Variants in RFX2 observed in about 807,000 individuals in gnomAD.
RFX2 encodes DNA-binding protein RFX2.
In RFX2, 20 loss-of-function variants were observed where a neutral mutation model predicts 87.8. The ratio of observed to expected loss-of-function variants is 0.23; its 90% CI spans 0.16 to 0.33. The LOEUF is 0.33. Among genes scored for constraint, RFX2 ranks in the 10% least tolerant of loss-of-function variants. RFX2 has a pLI of 1.00. For missense variants in RFX2, 767 were observed against 1,012.3 expected, an observed-to-expected ratio of 0.76 and a Z score of 3.29; for synonymous variants, 397 against 431.3, an observed-to-expected ratio of 0.92 and a Z score of 0.98.
At chr19:6,008,386 T>C (rs971198867) in intron 9 of RFX2, 162 bp from the exon 10 acceptor site, 4 of 478,570 alleles carry the variant, frequency 8.4e-6, no homozygotes. Flanking sequence ...TTTTTTTTTT[T>C]TTTGGAGACA....
Position 6,107,616 on chromosome 19 carries a change from C to CAAAAAAAAAAAA in RFX2, c.-9+2765_-9+2776dup, listed in dbSNP as rs1156483792. Among the ~76,000 whole-genome samples, 174 of 31,558 alleles carry CAAAAAAAAAAAA rather than the reference C, an allele frequency of 5.5e-3. 26 individuals carry two copies. Among genetic ancestry groups the CAAAAAAAAAAAA allele is most frequent in the African/African-American group, 0.012 (99 of 8,076 alleles). The allele number at this position is 31,558 out of a possible 152,430, so 20.7% of individuals were successfully genotyped here. The stretch of plus-strand genomic sequence containing the variant: ...TGGGTGACAGAGTGAGACCCTGTCT[C>CAAAAAAAAAAAA]AAAAAAAAAAAAAAAAAAAAAAAAA... On this transcript the variant is annotated intron_variant, in intron 1 of 17. Coordinates refer to ENST00000303657, the MANE Select transcript of RFX2 (RefSeq NM_000635.4).
chr19:6,042,509 G>T (rs947293809), intron 3 of RFX2, among the ~76,000 whole-genome samples: 219 of 149,384 alleles, frequency 1.5e-3, no homozygotes, highest in East Asian at 3.3e-3. Flanking sequence ...TTTTTTTTTT[G>T]TTTGTTTGTT....
chr19:6,006,943 T>C (rs1355851856), intron 12 of RFX2, 69 bp downstream of exon 12: 3 of 1,551,600 alleles, frequency 1.9e-6, no homozygotes, highest in Admixed American at 1.8e-5. Context: ...AAGACGTACA[T>C]GTAAGAAAGG....
At chr19:6,058,726 C>A (rs749860244) in intron 1 of RFX2, among the ~76,000 whole-genome samples, 1 of 152,016 alleles carries the variant, frequency 6.6e-6, no homozygotes, top group African/African-American at 2.4e-5. Context: ...GGCTTCTGTT[C>A]CTGTTTTCTT....
At position 6,100,532 on chromosome 19, in the gene RFX2, G is replaced by A. The variant is rs187969741; in HGVS notation, c.-9+9861C>T. 1.1e-4 allele frequency among the ~76,000 whole-genome samples: 17 copies of A among 152,302 alleles called. No homozygotes were observed. The East Asian group carries it at 3.3e-3, about 29-fold the overall frequency. On this transcript the variant is annotated intron_variant, in intron 1 of 17. Transcript: ENST00000303657. ...GAGAATTATTGCCTCTGTAACAGGAGAGGAGGGCTACTTCCAGTAAGAAGG... is the reference window on the plus strand; with the variant it reads ...GAGAATTATTGCCTCTGTAACAGGAAAGGAGGGCTACTTCCAGTAAGAAGG...
rs1271395453 is a variant in RFX2 at position 6,061,483 on chromosome 19, T to TCAAG, written c.-8-13983_-8-13980dup. ...CCTTCACACTTACAAGTCTGGCTGATCAAGACCTTGTCACCTGAAGACTGT... is the reference window on the plus strand; with the variant it reads ...CCTTCACACTTACAAGTCTGGCTGATCAAGCAAGACCTTGTCACCTGAAGACTGT... On this transcript the variant is annotated intron_variant, in intron 1 of 17. Transcript: ENST00000303657. The surrounding 1 kb of genome is among the most constrained non-coding windows in gnomAD (Gnocchi z 5.2). Among the ~76,000 whole-genome samples the TCAAG allele has an allele frequency of 2.4e-4, 36 of 152,178 alleles. No homozygotes were observed. Among genetic ancestry groups the TCAAG allele is most frequent in the Non-Finnish European group, 5.9e-5 (4 of 68,036 alleles).
chr19:6,028,557 G>T (rs2086917927), intron 5 of RFX2, among the ~76,000 whole-genome samples: 2 of 152,132 alleles, frequency 1.3e-5, no homozygotes, highest in Non-Finnish European at 2.9e-5. Flanking sequence ...TTAATCTTGA[G>T]CTGACATCCA....
chr19:6,028,557 G>A (rs2086917927), intron 5 of RFX2, among the ~76,000 whole-genome samples: 1 of 152,132 alleles, frequency 6.6e-6, no homozygotes, highest in Non-Finnish European at 1.5e-5. Context: ...TTAATCTTGA[G>A]CTGACATCCA....
At chr19:6,108,333 A>G (rs1193769894) in intron 1 of RFX2, among the ~76,000 whole-genome samples, 2 of 152,232 alleles carry the variant, frequency 1.3e-5, no homozygotes, top group East Asian at 3.8e-4. Flanking sequence ...TCTTTAAACT[A>G]GAGCAGGAGA....
At chr19:6,042,752 C>T (rs1239863960) in intron 3 of RFX2, among the ~76,000 whole-genome samples, 1 of 152,228 alleles carries the variant, frequency 6.6e-6, no homozygotes. Context: ...ACCCCCGCTG[C>T]CCTGCCCTCC....
At chr19:6,042,244 C>A in intron 3 of RFX2, 121 bp from the exon 4 acceptor site, 1 of 864,150 alleles carries the variant, frequency 1.2e-6, no homozygotes, top group Non-Finnish European at 1.9e-6. Flanking sequence ...TGACAATGTT[C>A]CCGCCCACAG....
At position 6,011,609 on chromosome 19, in the gene RFX2, A is replaced by T. The variant is rs1283357011; in HGVS notation, c.900-1358T>A. Reference sequence around the variant, plus strand: ...GAGCACAGGTTCACAGCTGTCTGCCAGGGGCCCAAATTGAACAACAGCAGT... The same window carrying T: ...GAGCACAGGTTCACAGCTGTCTGCCTGGGGCCCAAATTGAACAACAGCAGT... On this transcript the variant is annotated intron_variant, in intron 8 of 17. Transcript: ENST00000303657. This position sits in a 1 kb window ranked among gnomAD's most constrained non-coding sequence, Gnocchi z 4.8. Among the ~76,000 whole-genome samples the T allele has an allele frequency of 6.6e-6, 1 of 152,238 alleles. No homozygotes were observed. Among genetic ancestry groups the T allele is most frequent in the East Asian group, 1.9e-4 (1 of 5,204 alleles).
In RFX2 at chr19:6,002,877, G is replaced by C. The variant is rs1207256585; in HGVS notation, c.1501-7C>G. ...AGGCACTGACGACGCCCACCTGTAA[G>C]CCAGGGCTCGTGGTGAGCAGGGGTT... is the stretch of plus-strand genomic sequence containing the variant. On this transcript the variant is annotated splice_polypyrimidine_tract_variant and splice_region_variant and intron_variant, in intron 13 of 17. Coordinates refer to ENST00000303657, the MANE Select transcript of RFX2 (RefSeq NM_000635.4). This position sits in a 1 kb window ranked among gnomAD's most constrained non-coding sequence, Gnocchi z 6.7. The C allele has an allele frequency of 6.2e-7, 1 of 1,601,216 alleles. No homozygotes were observed. The highest frequency in any genetic ancestry group is 8.5e-7 in the Non-Finnish European group (1 of 1,176,390).
rs774218040 is a variant in RFX2, at chr19:5,994,813, G to A, written c.*22C>T. On this transcript the variant is annotated 3_prime_UTR_variant, in exon 18 of 18. Coordinates refer to ENST00000303657, the MANE Select transcript of RFX2 (RefSeq NM_000635.4). ...ACCAGGCGGCATCTTTTGGAACCTC[G>A]AGGAGGCGCCGGCCGGGGCTGCTAG... 25 of 778,644 alleles carry A rather than the reference G, an allele frequency of 3.2e-5. No homozygotes were observed. The South Asian group carries it at 3.6e-4, about 11-fold the overall frequency. The allele number at this position is 778,644 out of a possible 1,614,324, so 48.2% of individuals were successfully genotyped here. A position where few individuals can be genotyped will look rare whatever the true frequency, so the allele number is the denominator to read the frequency against.
rs979389727 is a variant in RFX2, at chr19:6,022,542, G to GC, written c.597+3620dup. On this transcript the variant is annotated intron_variant, in intron 6 of 17. Coordinates refer to ENST00000303657, the MANE Select transcript of RFX2 (RefSeq NM_000635.4). This position sits in a 1 kb window ranked among gnomAD's most constrained non-coding sequence, Gnocchi z 6.2. ...CTGGTAGCCTGAGGGCAGCCCGGTGGCCCCCAGGGGCTGAGGCCGCCTCTT... is the reference window on the plus strand; with the variant it reads ...CTGGTAGCCTGAGGGCAGCCCGGTGGCCCCCCAGGGGCTGAGGCCGCCTCTT... Among the ~76,000 whole-genome samples the GC allele has an allele frequency of 2.0e-5, 3 of 152,206 alleles. No homozygotes were observed. The highest frequency in any genetic ancestry group is 4.8e-5 in the African/African-American group (2 of 41,448).
intron 1 of RFX2, among the ~76,000 whole-genome samples, chr19:6,099,289 T>C (rs1295245490): frequency 6.6e-6 from 1 of 152,204 alleles, no homozygotes; most frequent in African/African-American, 2.4e-5. Flanking sequence ...GCAGCAGCTC[T>C]GTTATAAAAC....
rs1045378562 is a variant in RFX2 at position 6,012,168 on chromosome 19, A to G, written c.899+818T>C. On this transcript the variant is annotated intron_variant, in intron 8 of 17. Coordinates refer to ENST00000303657, the MANE Select transcript of RFX2 (RefSeq NM_000635.4). The surrounding 1 kb of genome is among the most constrained non-coding windows in gnomAD (Gnocchi z 4.6). ...TAGAAGATGAGAAAGTTTGTGATGG[A>G]TGGAGAAGAGGATCTTCCAGAAAAT... 5 of 152,250 alleles carry G rather than the reference A, an allele frequency of 3.3e-5. No individual in the cohort carries two copies. Among genetic ancestry groups the G allele is most frequent in the Non-Finnish European group, 5.9e-5 (4 of 68,046 alleles). The allele number at this position is 152,250 out of a possible 1,614,324, so 9.4% of individuals were successfully genotyped here.
chr19:6,041,206 C>T (rs916636420), intron 4 of RFX2, among the ~76,000 whole-genome samples: 5 of 152,020 alleles, frequency 3.3e-5, no homozygotes, highest in African/African-American at 9.7e-5. Context: ...TATGGGTGTG[C>T]ACCGCCACAG....
chr19:6,074,265 G>A lies in RFX2; in HGVS notation c.-8-26761C>T, dbSNP rs961355660. ...GGAGTTCAGGTGGAACATCAGGCGG[G>A]GTACAGATGCCACAGTGTGGAGGAA... On this transcript the variant is annotated intron_variant, in intron 1 of 17. Coordinates refer to ENST00000303657, the MANE Select transcript of RFX2 (RefSeq NM_000635.4). The surrounding 1 kb of genome is among the most constrained non-coding windows in gnomAD (Gnocchi z 5.2). Among the ~76,000 whole-genome samples the A allele has an allele frequency of 7.2e-5, 11 of 152,230 alleles. No individual in the cohort carries two copies. The highest frequency in any genetic ancestry group is 2.6e-4 in the African/African-American group (11 of 41,532).
Sources: gnomAD v4.1 joint callset for allele counts (sites outside exome capture counted in the v4.1 genomes callset) on GRCh38, gnomAD v4.1.1 for gene constraint, Gnocchi (gnomAD v3.1) non-coding constraint, MANE v1.5 for transcripts, NCBI Gene and HGNC (gene_info 2026-07-23, HGNC 2026-07-21) for gene names.